The following POC1B variants were observed in gnomAD, a reference collection of about 807,000 sequenced individuals.
POC1B encodes POC1 centriolar protein homolog B.
A neutral mutation model predicts 60.6 loss-of-function variants in POC1B; 44 were observed. That is an observed-to-expected ratio of 0.73 (90% CI 0.57 to 0.93). The LOEUF (loss-of-function observed/expected upper bound fraction) is 0.93. POC1B is among the 40% of genes least tolerant of loss of function. The pLI, the probability that POC1B is intolerant of heterozygous loss-of-function variation, is 0.00. For synonymous variants in POC1B, 180 were observed against 198.9 expected (o/e 0.90, Z 0.80); for missense variants, 555 against 572.3 (o/e 0.97, Z 0.31).
rs1381175364 is a variant in POC1B at position 89,449,253 on chromosome 12, G to T, written c.1113+10385C>A. Among the ~76,000 whole-genome samples, 10 of 152,084 alleles carry T rather than the reference G, an allele frequency of 6.6e-5. 1 individual carries two copies. Among genetic ancestry groups the T allele is most frequent in the Admixed American group, 3.3e-4 (5 of 15,260 alleles). ...GAGGAAGTTACCTTACCCCTTTAAGGCTAATTTGTGGAATGTGAGAATCTA... is the reference window on the plus strand; with the variant it reads ...GAGGAAGTTACCTTACCCCTTTAAGTCTAATTTGTGGAATGTGAGAATCTA... On this transcript the variant is annotated intron_variant, in intron 10 of 11. Coordinates refer to ENST00000313546, the MANE Select transcript of POC1B (RefSeq NM_172240.3).
At chr12:89,505,184 C>T (rs1869835136) in intron 2 of POC1B, among the ~76,000 whole-genome samples, 1 of 152,138 alleles carries the variant, frequency 6.6e-6, no homozygotes, top group Non-Finnish European at 1.5e-5. Flanking sequence ...AGATAAATAA[C>T]ACCAAATCTT....
chr12:89,507,171 G>C (rs1869940098), intron 2 of POC1B, among the ~76,000 whole-genome samples: 1 of 150,918 alleles, frequency 6.6e-6, no homozygotes, highest in Non-Finnish European at 1.5e-5. Context: ...TACTCTGTGG[G>C]GGTGGGGGAG....
At chr12:89,516,031 T>C (rs540541807) in intron 2 of POC1B, among the ~76,000 whole-genome samples, 2 of 152,256 alleles carry the variant, frequency 1.3e-5, no homozygotes, top group South Asian at 2.1e-4. Context: ...CCCAAACAGA[T>C]TGGAAACACT....
chr12:89,480,604 T>A (rs1182926644), intron 4 of POC1B, among the ~76,000 whole-genome samples: 5 of 138,730 alleles, frequency 3.6e-5, no homozygotes, highest in Admixed American at 2.1e-4. Flanking sequence ...TATTTTTTTT[T>A]TTTTTTTTTT....
In POC1B at chr12:89,425,386, T is replaced by C; in HGVS notation, c.1114-7A>G. ...TACCACTGGTTTCTGTTGTCTTTAA[T>C]GTCACAGAAAATGTAGGAAGAGTTA... On this transcript the variant is annotated splice_region_variant and splice_polypyrimidine_tract_variant and intron_variant, in intron 10 of 11. Transcript: ENST00000313546. 6.2e-7 allele frequency: 1 copy of C among 1,602,904 alleles called. No homozygotes were observed. The highest frequency in any genetic ancestry group is 8.5e-7 in the Non-Finnish European group (1 of 1,174,318).
At chr12:89,494,417 ACTCAT>A (rs1486980610) in intron 3 of POC1B, among the ~76,000 whole-genome samples, 1 of 151,574 alleles carries the variant, frequency 6.6e-6, no homozygotes, top group Non-Finnish European at 1.5e-5. Context: ...GGCTGCCAAT[ACTCAT>A]CTCATCCCTG....
At chr12:89,421,979 T>G (rs74503170) in intron 11 of POC1B, among the ~76,000 whole-genome samples, 1 of 152,122 alleles carries the variant, frequency 6.6e-6, no homozygotes, top group Non-Finnish European at 1.5e-5. Flanking sequence ...TTTATATATA[T>G]GTTAAACTTG....
chr12:89,458,683 A>G (rs1051174495), intron 10 of POC1B, among the ~76,000 whole-genome samples: 17 of 152,360 alleles, frequency 1.1e-4, no homozygotes, highest in Admixed American at 9.8e-4. Context: ...GATCTATTAG[A>G]GAATTTGTAA....
At chr12:89,501,406 G>C in intron 2 of POC1B, 1 of 1,000,508 alleles carries the variant, frequency 1.0e-6, no homozygotes, top group South Asian at 1.3e-5. Flanking sequence ...AGAACAGCTC[G>C]ATGTGGGACA....
In POC1B at chr12:89,472,103, T is replaced by C. The variant is rs1225219434; in HGVS notation, c.560+65A>G. 3.7e-6 allele frequency: 4 copies of C among 1,068,172 alleles called. No individual in the cohort carries two copies. The African/African-American group carries it at 6.4e-5, about 17-fold the overall frequency. The allele number at this position is 1,068,172 out of a possible 1,614,324, so 66.2% of individuals were successfully genotyped here. A position where few individuals can be genotyped will look rare whatever the true frequency, so the allele number is the denominator to read the frequency against. On this transcript the variant is annotated intron_variant, in intron 5 of 11. Coordinates refer to ENST00000313546, the MANE Select transcript of POC1B (RefSeq NM_172240.3). ...TTCTTTACTCATTTATTTATTTAAA[T>C]TGTTATAATCAAACGTCTCCTTAGA... is the stretch of plus-strand genomic sequence containing the variant.
intron 2 of POC1B, chr12:89,500,087 C>T (rs1869475909): frequency 3.6e-6 from 5 of 1,384,996 alleles, no homozygotes; most frequent in Middle Eastern, 2.1e-4. Context: ...TCAGCGGGGC[C>T]GGAACATGGC....
At chr12:89,412,362 T>C in the POC1B span, among the ~76,000 whole-genome samples, 2 of 151,604 alleles carry the variant, frequency 1.3e-5, no homozygotes, top group Admixed American at 6.6e-5. Flanking sequence ...TTTTTCTTTT[T>C]TTTTTTTTTG....
At chr12:89,405,988 GT>G in the POC1B span, among the ~76,000 whole-genome samples, 3,012 of 122,298 alleles carry the variant, frequency 0.025, 73 homozygotes, top group African/African-American at 0.077. Context: ...AGTTTTGAGT[GT>G]TTTTTTTTTT....
chr12:89,431,475 G>A (rs913526511), intron 10 of POC1B, among the ~76,000 whole-genome samples: 8 of 151,422 alleles, frequency 5.3e-5, no homozygotes, highest in African/African-American at 7.3e-5. Context: ...ACACACACAC[G>A]TATGTATAAA....
At chr12:89,413,663 T>G in the POC1B span, among the ~76,000 whole-genome samples, 1 of 152,224 alleles carries the variant, frequency 6.6e-6, no homozygotes, top group South Asian at 2.1e-4. Context: ...ATATAGAGTT[T>G]TGACTAACCC....
intron 2 of POC1B, among the ~76,000 whole-genome samples, chr12:89,510,205 TG>T (rs1255843156): frequency 2.0e-5 from 3 of 152,202 alleles, no homozygotes. Context: ...TTTTTGTTCT[TG>T]TACACTTCCT....
rs1882890788 is a variant in POC1B at position 89,471,482 on chromosome 12, T to C, written c.676+132A>G. 4 of 633,662 alleles carry C rather than the reference T, an allele frequency of 6.3e-6. No homozygotes were observed. The African/African-American group carries it at 7.8e-5, about 12-fold the overall frequency. The allele number at this position is 633,662 out of a possible 1,614,324, so 39.3% of individuals were successfully genotyped here. ...CCCTGCTGTTGATGGGAGCTAATTA[T>C]ACTATTCTCTAGCCTGTTCCAAGGC... On this transcript the variant is annotated intron_variant, in intron 6 of 11. Transcript: ENST00000313546.
chr12:89,456,006 T>TTTGTTGTTGTTG (rs57046085), intron 10 of POC1B, among the ~76,000 whole-genome samples: 11 of 148,206 alleles, frequency 7.4e-5, no homozygotes, highest in African/African-American at 2.5e-4. Context: ...AAAACTCTTT[T>TTTGTTGTTGTTG]TTGTTGTTGT....
chr12:89,505,793 G>A (rs1295557506), intron 2 of POC1B, among the ~76,000 whole-genome samples: 1 of 152,220 alleles, frequency 6.6e-6, no homozygotes, highest in Non-Finnish European at 1.5e-5. Context: ...GAAGCTACAA[G>A]GGGCAAGGGA....
Sources: allele counts gnomAD v4.1 joint callset (sites outside exome capture counted in the v4.1 genomes callset), GRCh38; gene constraint gnomAD v4.1.1; transcripts MANE v1.5; gene names NCBI Gene and HGNC (gene_info 2026-07-23, HGNC 2026-07-21).